Variants in DLC1 observed in about 807,000 individuals in gnomAD.
DLC1 encodes DLC1 Rho GTPase activating protein.
In DLC1, 54 loss-of-function variants were observed where a neutral mutation model predicts 140.3. The ratio of observed to expected loss-of-function variants is 0.38; its 90% CI spans 0.31 to 0.48. The LOEUF is 0.48. DLC1 is among the 20% of genes least tolerant of loss of function. The pLI is 0.96. For synonymous variants in DLC1, 986 were observed against 728.1 expected (o/e 1.35, Z -5.70); for missense variants, 2,536 against 1,907.0 (o/e 1.33, Z -6.14).
chr8:13,453,402 G>GTGTATATATATATATATATATATATATA (rs1563359475), intron 2 of DLC1, among the ~76,000 whole-genome samples: 1 of 20,818 alleles, frequency 4.8e-5, no homozygotes. Context: ...ATATATATAT[G>GTGTATATATATATATATATATATATATA]TGTATATATA....
chr8:13,108,576 T>G (rs942458847), intron 7 of DLC1, among the ~76,000 whole-genome samples: 1 of 152,228 alleles, frequency 6.6e-6, no homozygotes, highest in Admixed American at 6.5e-5. Context: ...AAACTGATAT[T>G]CTGAAAAAGC....
chr8:13,441,785 C>G (rs1798521188), intron 2 of DLC1, among the ~76,000 whole-genome samples: 1 of 152,034 alleles, frequency 6.6e-6, no homozygotes, highest in South Asian at 2.1e-4. Flanking sequence ...CCATACTGCC[C>G]AAGGTAATTT....
At chr8:13,089,371 T>G (rs188674843) in intron 15 of DLC1, among the ~76,000 whole-genome samples, 12 of 152,024 alleles carry the variant, frequency 7.9e-5, no homozygotes, top group African/African-American at 2.7e-4. Flanking sequence ...CTCACGCCTA[T>G]AATCCCAGCA....
intron 5 of DLC1, among the ~76,000 whole-genome samples, chr8:13,230,597 C>CTTTTTTTTTTTTTTT (rs548424340): frequency 5.2e-5 from 7 of 133,722 alleles, no homozygotes; most frequent in South Asian, 2.4e-4. Flanking sequence ...TTTCTTTTTT[C>CTTTTTTTTTTTTTTT]TTTTTTTTTT....
intron 4 of DLC1, among the ~76,000 whole-genome samples, chr8:13,359,187 C>G (rs949350462): frequency 2.0e-5 from 3 of 152,182 alleles, no homozygotes; most frequent in Non-Finnish European, 4.4e-5. Context: ...GATCCAGTGC[C>G]TCGGCCTCCC....
chr8:13,423,193 C>G (rs1348812195), intron 2 of DLC1, among the ~76,000 whole-genome samples: 1 of 152,136 alleles, frequency 6.6e-6, no homozygotes, highest in Non-Finnish European at 1.5e-5. Context: ...TCTTCACTCA[C>G]CATTTGTCTT....
intron 2 of DLC1, among the ~76,000 whole-genome samples, chr8:13,497,637 T>C (rs957929564): frequency 3.9e-5 from 6 of 152,218 alleles, no homozygotes; most frequent in Non-Finnish European, 7.3e-5. Context: ...AATGTTTCCA[T>C]TGGCAGTTGG....
chr8:13,185,122 C>CTTTTTT lies in DLC1; in HGVS notation c.1349-69471_1349-69466dup, dbSNP rs1193667992. Among the ~76,000 whole-genome samples the CTTTTTT allele has an allele frequency of 8.0e-4, 68 of 84,548 alleles. 1 individual carries two copies. The highest frequency in any genetic ancestry group is 3.1e-3 in the African/African-American group (59 of 19,216). 55.5% of individuals were successfully genotyped at this position (84,548 alleles called of 152,430 possible). On this transcript the variant is annotated intron_variant, in intron 5 of 17. Transcript: ENST00000276297. Reference sequence around the variant, plus strand: ...TCAGAGACTAGGATTGCAACCCCTGCTTTTTTTTTTTTTTTTTTTTGCTTT... The same window carrying CTTTTTT: ...TCAGAGACTAGGATTGCAACCCCTGCTTTTTTTTTTTTTTTTTTTTTTTTTTGCTTT...
chr8:13,132,883 G>A, intron 5 of DLC1: 1 of 1,546,286 alleles, frequency 6.5e-7, no homozygotes, highest in Non-Finnish European at 8.8e-7. Flanking sequence ...TTCTCGCGGC[G>A]GGTCCCCTCC....
At chr8:13,561,765 T>A (rs941353763) in intron 1 of DLC1, among the ~76,000 whole-genome samples, 1 of 152,218 alleles carries the variant, frequency 6.6e-6, no homozygotes, top group African/African-American at 2.4e-5. Flanking sequence ...CTATGATAAA[T>A]TTTATATATG....
intron 5 of DLC1, among the ~76,000 whole-genome samples, chr8:13,184,025 C>T (rs752908219): frequency 1.4e-4 from 22 of 152,200 alleles, no homozygotes; most frequent in Non-Finnish European, 2.2e-4. Context: ...GATTCAACTT[C>T]TTCCCAGTTT....
At position 13,567,456 on chromosome 8, in the gene DLC1, T is replaced by C. The variant is rs796310784; in HGVS notation, c.-126+37081A>G. ...ATAAAAAGCTGCATCTTGGATTGGA[T>C]GTAGAGGCTTCAGAGAGAGATGCCT... On this transcript the variant is annotated intron_variant, in intron 1 of 1. Coordinates refer to the DLC1 transcript ENST00000631382. 5.2e-6 allele frequency: 8 copies of C among 1,552,054 alleles called. No individual in the cohort carries two copies. In the African/African-American group the frequency reaches 9.6e-5, roughly 19 times the overall value.
intron 4 of DLC1, among the ~76,000 whole-genome samples, chr8:13,352,110 T>G (rs1586188122): frequency 6.6e-6 from 1 of 152,208 alleles, no homozygotes; most frequent in East Asian, 1.9e-4. Context: ...TGGGGGTAGC[T>G]TCTGAGTTAA....
At chr8:13,218,540 A>C (rs376085834) in intron 5 of DLC1, among the ~76,000 whole-genome samples, 3 of 151,978 alleles carry the variant, frequency 2.0e-5, no homozygotes, top group Non-Finnish European at 4.4e-5. Flanking sequence ...GTTACTAGCC[A>C]TTAGGGAATT....
At chr8:13,300,694 GAAT>G (rs1832155807) in intron 5 of DLC1, among the ~76,000 whole-genome samples, 3 of 152,174 alleles carry the variant, frequency 2.0e-5, no homozygotes, top group Admixed American at 2.0e-4. Context: ...TACTGCGTCT[GAAT>G]AACAAATGGC....
intron 7 of DLC1, among the ~76,000 whole-genome samples, chr8:13,108,663 T>G (rs918199067): frequency 2.0e-5 from 3 of 152,202 alleles, no homozygotes; most frequent in African/African-American, 7.2e-5. Flanking sequence ...TCCTAAGCTA[T>G]TGCTGCTGTC....
At chr8:13,232,227 G>T (rs1378640014) in intron 5 of DLC1, among the ~76,000 whole-genome samples, 5 of 152,146 alleles carry the variant, frequency 3.3e-5, no homozygotes, top group Non-Finnish European at 7.3e-5. Flanking sequence ...CTGAAGATTG[G>T]GTTGGGGATG....
intron 1 of DLC1, among the ~76,000 whole-genome samples, chr8:13,532,191 G>T (rs1803121132): frequency 6.6e-6 from 1 of 152,120 alleles, no homozygotes; most frequent in African/African-American, 2.4e-5. Context: ...GATAGCTTGA[G>T]CCCAGGACGT....
At chr8:13,590,600 T>C (rs1805485366) in intron 1 of DLC1, among the ~76,000 whole-genome samples, 1 of 152,086 alleles carries the variant, frequency 6.6e-6, no homozygotes, top group South Asian at 2.1e-4. Flanking sequence ...TTTACTTTTC[T>C]AGCCTTCCAA....
Sources: allele counts gnomAD v4.1 joint callset (sites outside exome capture counted in the v4.1 genomes callset), GRCh38; gene constraint gnomAD v4.1.1; transcripts MANE v1.5; gene names NCBI Gene and HGNC (gene_info 2026-07-23, HGNC 2026-07-21).